NOL9: variants seen among roughly 807,000 people sequenced by gnomAD.
The protein encoded by NOL9 is polynucleotide 5'-hydroxyl-kinase NOL9.
NOL9 carries 28 observed loss-of-function variants against 67.9 expected under a neutral mutation model. The observed-to-expected ratio is 0.41, with a 90% confidence interval of 0.31 to 0.57. NOL9 has a LOEUF of 0.57. Ranked by LOEUF, NOL9 falls within the 20% of genes least tolerant of loss-of-function variation. NOL9 has a pLI of 0.25. For missense variants in NOL9, 777 were observed against 897.0 expected, an observed-to-expected ratio of 0.87 and a Z score of 1.71; for synonymous variants, 356 against 352.2, an observed-to-expected ratio of 1.01 and a Z score of -0.12.
chr1:6,532,442 A>G, intron 8 of NOL9, 21 bp downstream of exon 8: 1 of 1,587,994 alleles, frequency 6.3e-7, no homozygotes, highest in Non-Finnish European at 8.6e-7. Flanking sequence ...ATAATTCTTC[A>G]GCCAAATGAG....
chr1:6,554,202 G>T lies in NOL9; in HGVS notation c.301C>A (p.Leu101Ile). 2 of 1,521,968 alleles carry T rather than the reference G, an allele frequency of 1.3e-6. No homozygotes were observed. Among genetic ancestry groups the T allele is most frequent in the Non-Finnish European group, 8.8e-7 (1 of 1,134,076 alleles). 94.3% of individuals were successfully genotyped at this position (1,521,968 alleles called of 1,614,324 possible). ...CGGTGGCAACTCGAGGCGGATTCGA[G>T]TTCGGGTTCGGACTCGGGTTCGGAG... Reference protein sequence around the residue: ...PASEPESEPELESASSCHRPL... With the variant: ...PASEPESEPEIESASSCHRPL... Residue 101 changes from leucine to isoleucine, a missense_variant, in exon 1 of 12, where the codon CTC becomes ATC. Around this residue, in one of 2 missense-constraint regions of NOL9, gnomAD observed 364 missense variants for 344.4 expected, o/e 1.06. Coordinates refer to ENST00000377705, the MANE Select transcript of NOL9 (RefSeq NM_024654.5).
intron 5 of NOL9, among the ~76,000 whole-genome samples, chr1:6,543,241 G>A (rs1487611867): frequency 2.1e-5 from 3 of 145,134 alleles, no homozygotes; most frequent in African/African-American, 5.1e-5. Flanking sequence ...TGTCGCCCAC[G>A]CTGGAGTGCA....
chr1:6,545,517 C>A (rs571304153), intron 3 of NOL9, among the ~76,000 whole-genome samples: 2 of 152,300 alleles, frequency 1.3e-5, no homozygotes, highest in Admixed American at 1.3e-4. Context: ...CAAGTCAAGG[C>A]AACCTCTGAA....
At chr1:6,532,845 G>T in intron 7 of NOL9, 85 bp from the exon 8 acceptor site, 1 of 1,228,330 alleles carries the variant, frequency 8.1e-7, no homozygotes. Context: ...ACGACAAATG[G>T]ATGCATTTGT....
intron 3 of NOL9, 117 bp from the exon 4 acceptor site, chr1:6,545,297 G>C: frequency 9.7e-7 from 1 of 1,030,722 alleles, no homozygotes; most frequent in African/African-American, 1.6e-5. Context: ...TCCTCCCTTT[G>C]TCTCCTGCCC....
chr1:6,543,696 T>A (rs935782160), intron 5 of NOL9, among the ~76,000 whole-genome samples: 30 of 152,112 alleles, frequency 2.0e-4, no homozygotes, highest in African/African-American at 5.3e-4. Flanking sequence ...AAATTTCAGA[T>A]CTGGCATGGT....
In NOL9 at chr1:6,549,744, C is replaced by T. The variant is rs369269291; in HGVS notation, c.617-46G>A. 79 of 1,608,098 alleles carry T rather than the reference C, an allele frequency of 4.9e-5. No individual in the cohort carries two copies. In the African/African-American group the frequency reaches 8.7e-4, roughly 18 times the overall value. ...CACCTTAGAAGCAGTAACTTCATTA[C>T]ATTCCACGCCCTTTAGGACTGCCAT... On this transcript the variant is annotated intron_variant, in intron 2 of 11. Transcript: ENST00000377705.
rs1638788895 is a variant in NOL9, at chr1:6,522,382, T to G, written c.*3472A>C. On this transcript the variant is annotated 3_prime_UTR_variant, in exon 12 of 12. Transcript: ENST00000377705. ...CTGACCAATAAAGTGAAACGCCATC[T>G]CTACTAAAAATACAAAAATTAGCTG... 2 of 151,374 alleles carry G rather than the reference T, an allele frequency of 1.3e-5. No individual in the cohort carries two copies. The highest frequency in any genetic ancestry group is 2.9e-5 in the Non-Finnish European group (2 of 67,946). The allele number at this position is 151,374 out of a possible 1,614,324, so 9.4% of individuals were successfully genotyped here. A position where few individuals can be genotyped will look rare whatever the true frequency, so the allele number is the denominator to read the frequency against.
rs1161498344 is a variant in NOL9 at position 6,554,332 on chromosome 1, C to T, written c.171G>A (p.Ala57=). 2.1e-6 allele frequency: 3 copies of T among 1,458,558 alleles called. No individual in the cohort carries two copies. Among genetic ancestry groups the T allele is most frequent in the Admixed American group, 2.9e-5 (1 of 34,502 alleles). The allele number at this position is 1,458,558 out of a possible 1,614,324, so 90.4% of individuals were successfully genotyped here. ...RLRWRLLQAQ[A]SGVDWREGAR... Reference sequence around the variant, plus strand: ...CTCCCTCCCTCCAGTCCACGCCGGACGCCTGGGCTTGCAGTAACCGCCACC... The same window carrying T: ...CTCCCTCCCTCCAGTCCACGCCGGATGCCTGGGCTTGCAGTAACCGCCACC... The change falls in exon 1 of 12, where the codon GCG becomes GCA. Residue 57 remains alanine, a synonymous_variant. Coordinates refer to ENST00000377705, the MANE Select transcript of NOL9 (RefSeq NM_024654.5).
chr1:6,540,571 A>G (rs1269706810), intron 6 of NOL9, among the ~76,000 whole-genome samples: 1 of 152,192 alleles, frequency 6.6e-6, no homozygotes, highest in Non-Finnish European at 1.5e-5. Context: ...TCATGCCTAC[A>G]ATCCCAGAAC....
At chr1:6,529,598 TAATA>T (rs886473375) in intron 9 of NOL9, among the ~76,000 whole-genome samples, 1 of 147,526 alleles carries the variant, frequency 6.8e-6, no homozygotes, top group African/African-American at 2.5e-5. Context: ...AAAAAAAAAT[TAATA>T]AATAAAAAAT....
At chr1:6,543,160 C>T (rs1425802747) in intron 5 of NOL9, among the ~76,000 whole-genome samples, 1 of 151,378 alleles carries the variant, frequency 6.6e-6, no homozygotes, top group South Asian at 2.1e-4. Context: ...TCCCAAAGTG[C>T]TGGGATTACA....
At position 6,526,822 on chromosome 1, in the gene NOL9, A is replaced by G. The variant is rs370391578; in HGVS notation, c.1833T>C (p.Cys611=). ...GCCGCTTCTCCATGTCAATGCCTCT[A>G]CAGATGCCTTCAAGACACGCGCACA... ...PICDCLGFGI[C]RGIDMEKRLY... is the part of the protein sequence containing the mutation. Residue 611 remains cysteine, a synonymous_variant, in exon 11 of 12, where the codon TGT becomes TGC. Coordinates refer to ENST00000377705, the MANE Select transcript of NOL9 (RefSeq NM_024654.5). 1 of 1,604,772 alleles carries G rather than the reference A, an allele frequency of 6.2e-7. No individual in the cohort carries two copies. The highest frequency in any genetic ancestry group is 8.5e-7 in the Non-Finnish European group (1 of 1,176,276).
In NOL9 at chr1:6,533,425, G is replaced by C; in HGVS notation, c.1092C>G (p.His364Gln). 6.3e-7 allele frequency: 1 copy of C among 1,599,598 alleles called. No individual in the cohort carries two copies. Among genetic ancestry groups the C allele is most frequent in the Non-Finnish European group, 8.5e-7 (1 of 1,171,510 alleles). The change falls in exon 7 of 12, where the codon CAC becomes CAG. Residue 364 changes from histidine (H) to glutamine (Q), a missense_variant. Physicochemically the swap from His to Gln is conservative, Grantham distance 24. Around this residue, in one of 2 missense-constraint regions of NOL9, gnomAD observed 413 missense variants for 552.6 expected, o/e 0.75. Coordinates refer to ENST00000377705, the MANE Select transcript of NOL9 (RefSeq NM_024654.5). The stretch of plus-strand genomic sequence containing the variant: ...ATACCATCTTCTGTGGAGTCCTCAG[G>C]TGAGTGAAAGGTGGTCCTAAAAAGA... ...TEPVLGPPFTHLRTPQKMVYY... is the reference protein window; with the variant it reads ...TEPVLGPPFTQLRTPQKMVYY...
chr1:6,547,288 G>A (rs141359249), intron 3 of NOL9, among the ~76,000 whole-genome samples: 2 of 152,206 alleles, frequency 1.3e-5, no homozygotes, highest in East Asian at 3.9e-4. Context: ...ATGTCCAGCT[G>A]ATGTCTACCA....
intron 5 of NOL9, among the ~76,000 whole-genome samples, chr1:6,544,083 G>A (rs1341063530): frequency 3.3e-5 from 5 of 152,038 alleles, no homozygotes; most frequent in Non-Finnish European, 7.4e-5. Context: ...CAGAGAACAT[G>A]CCATTGCACT....
intron 1 of NOL9, 23 bp downstream of exon 1, chr1:6,554,084 T>A: frequency 6.6e-7 from 1 of 1,509,220 alleles, no homozygotes; most frequent in Non-Finnish European, 8.9e-7. Flanking sequence ...CCTCGGGGAC[T>A]ACTACCGGCG....
At chr1:6,534,354 A>G (rs1209593570) in intron 6 of NOL9, among the ~76,000 whole-genome samples, 2 of 152,150 alleles carry the variant, frequency 1.3e-5, no homozygotes, top group African/African-American at 2.4e-5. Flanking sequence ...TAATCATGAC[A>G]TATCTCCTCT....
At chr1:6,543,585 G>A (rs986340233) in intron 5 of NOL9, among the ~76,000 whole-genome samples, 6 of 152,078 alleles carry the variant, frequency 3.9e-5, no homozygotes, top group African/African-American at 9.7e-5. Context: ...CTGTAGACTC[G>A]AACTCCTTGG....
Sources: allele counts gnomAD v4.1 joint callset (sites outside exome capture counted in the v4.1 genomes callset), GRCh38; gene constraint gnomAD v4.1.1; regional missense constraint gnomAD v4.1.1; transcripts MANE v1.5; gene names NCBI Gene and HGNC (gene_info 2026-07-23, HGNC 2026-07-21).